The following C9orf72 variants were observed in gnomAD, a reference collection of about 807,000 sequenced individuals.
The protein encoded by C9orf72 is C9orf72-SMCR8 complex subunit.
Under a neutral mutation model 51.6 loss-of-function variants are expected in C9orf72, and 44 were observed. The ratio of observed to expected loss-of-function variants is 0.85; its 90% confidence interval spans 0.67 to 1.10. The LOEUF (loss-of-function observed/expected upper bound fraction) is 1.10. Among genes scored for constraint, C9orf72 ranks in the 50% least tolerant of loss-of-function variants. The probability of loss-of-function intolerance (pLI) is 0.00; values close to 1 mark genes in which losing one functional copy is unlikely to be tolerated. For synonymous variants in C9orf72, 213 were observed against 194.2 expected (o/e 1.10, Z -0.81); for missense variants, 607 against 570.6 (o/e 1.06, Z -0.65).
At chr9:27,551,257 C>T (rs1820902811) in intron 8 of C9orf72, among the ~76,000 whole-genome samples, 3 of 152,182 alleles carry the variant, frequency 2.0e-5, no homozygotes, top group Admixed American at 2.0e-4. Context: ...AACCAACTAT[C>T]CAAGAAAGTA....
rs904272770 is a variant in C9orf72 at position 27,566,582 on chromosome 9, A to C, written c.444+95T>G. The stretch of plus-strand genomic sequence containing the variant: ...AAATAACATTTATTGTTTGATGTTC[A>C]CTGCATATAATTAAAAAAATAAGAT... On this transcript the variant is annotated intron_variant, in intron 2 of 10. Coordinates refer to ENST00000380003, the MANE Select transcript of C9orf72 (RefSeq NM_018325.5). 17 of 801,214 alleles carry C rather than the reference A, an allele frequency of 2.1e-5. No individual in the cohort carries two copies. The African/African-American group carries it at 2.8e-4, about 13-fold the overall frequency. 49.6% of individuals were successfully genotyped at this position (801,214 alleles called of 1,614,324 possible). A position where few individuals can be genotyped will look rare whatever the true frequency, so the allele number is the denominator to read the frequency against.
rs1222735352 is a variant in C9orf72, at chr9:27,567,043, T to C, written c.78A>G (p.Leu26=). 4 of 1,613,934 alleles carry C rather than the reference T, an allele frequency of 2.5e-6. No individual in the cohort carries two copies. The highest frequency in any genetic ancestry group is 3.3e-5 in the Admixed American group (2 of 60,000). The stretch of plus-strand genomic sequence containing the variant: ...TGTCCCAGTAAGCAAAAGTAGCTGC[T>C]AATAAAGGTGATTTGCCACTTAAAG... ...EIALSGKSPL[L]AATFAYWDNI... The change falls in exon 2 of 11, where the codon TTA becomes TTG. Residue 26 remains leucine (L), a synonymous_variant. Coordinates refer to ENST00000380003, the MANE Select transcript of C9orf72 (RefSeq NM_018325.5).
chr9:27,569,175 G>C (rs1048414885), intron 1 of C9orf72, among the ~76,000 whole-genome samples: 1 of 152,106 alleles, frequency 6.6e-6, no homozygotes, highest in African/African-American at 2.4e-5. Context: ...CAATGTATTT[G>C]TGTTTCAAGC....
chr9:27,551,183 G>A (rs140055627), intron 8 of C9orf72, among the ~76,000 whole-genome samples: 84 of 152,222 alleles, frequency 5.5e-4, no homozygotes, highest in African/African-American at 2.0e-3. Flanking sequence ...TGAGATTAGA[G>A]AACACACTCC....
chr9:27,571,751 C>G (rs1322096798), intron 1 of C9orf72, among the ~76,000 whole-genome samples: 1 of 152,230 alleles, frequency 6.6e-6, no homozygotes, highest in African/African-American at 2.4e-5. Context: ...CTTCTCCAAC[C>G]TGGCTCTCAA....
chr9:27,552,346 G>A (rs1820924827), intron 8 of C9orf72, among the ~76,000 whole-genome samples: 1 of 84,974 alleles, frequency 1.2e-5, no homozygotes, highest in Non-Finnish European at 2.5e-5. Flanking sequence ...GTTTAGGATT[G>A]TTTGTGATTT....
chr9:27,556,055 T>A (rs700829), intron 8 of C9orf72, among the ~76,000 whole-genome samples: 130,192 of 150,690 alleles, frequency 0.86, 58,107 homozygotes, highest in Non-Finnish European at 0.99. Context: ...CTTTTTTTTT[T>A]AAAAAAAAAT....
intron 6 of C9orf72, chr9:27,558,831 A>T (rs1365028861): frequency 2.4e-6 from 1 of 409,882 alleles, no homozygotes; most frequent in Non-Finnish European, 4.4e-6. Flanking sequence ...ACTGTATGGC[A>T]TCTCAAAACC....
At chr9:27,551,944 G>A in intron 8 of C9orf72, among the ~76,000 whole-genome samples, 1 of 152,164 alleles carries the variant, frequency 6.6e-6, no homozygotes, top group East Asian at 1.9e-4. Flanking sequence ...CGGCTATTGT[G>A]AATGGGACTG....
chr9:27,558,379 T>C, intron 7 of C9orf72, 112 bp downstream of exon 7: 1 of 707,258 alleles, frequency 1.4e-6, no homozygotes, highest in Non-Finnish European at 2.5e-6. Context: ...AGTCAGTCTC[T>C]GGGCATGTCA....
chr9:27,568,099 A>AAG (rs1331819683), intron 1 of C9orf72, among the ~76,000 whole-genome samples: 1 of 151,196 alleles, frequency 6.6e-6, no homozygotes, highest in African/African-American at 2.4e-5. Context: ...AAAAAAAAAA[A>AAG]AAAAAAAAGA....
At chr9:27,562,676 CTTTT>C (rs34007035) in intron 3 of C9orf72, among the ~76,000 whole-genome samples, 200 bp from the exon 4 acceptor site, 1 of 144,790 alleles carries the variant, frequency 6.9e-6, no homozygotes, top group South Asian at 2.2e-4. Flanking sequence ...TCTTTCTTTT[CTTTT>C]TTTTTTTTTG....
rs1478371551 is a variant in C9orf72 at position 27,567,125 on chromosome 9, G to C, written c.-5C>G. On this transcript the variant is annotated 5_prime_UTR_variant, in exon 2 of 11. Transcript: ENST00000380003. ...CGGTGGGCAAAGAGTCGACATCACT[G>C]CATTCCAACTGTCACATTATCCAAA... 3 of 1,609,006 alleles carry C rather than the reference G, an allele frequency of 1.9e-6. No individual in the cohort carries two copies. The highest frequency in any genetic ancestry group is 2.5e-6 in the Non-Finnish European group (3 of 1,176,680).
Position 27,548,335 on chromosome 9 carries a change from CATT to C in C9orf72, c.1344_1346del (p.Ile448del). On this transcript the variant is annotated inframe_deletion, in exon 11 of 11. Transcript: ENST00000380003. Reference sequence around the variant, plus strand: ...CTGGTTTAATTTTCTCAGCCAGAGCCATTATTATGTTAAGATCGCCCTCTGCTG... The same window carrying C: ...CTGGTTTAATTTTCTCAGCCAGAGCCATTATGTTAAGATCGCCCTCTGCTG... The C allele has an allele frequency of 6.3e-7, 1 of 1,585,070 alleles. No individual in the cohort carries two copies.
intron 1 of C9orf72, among the ~76,000 whole-genome samples, chr9:27,567,883 G>A (rs1476370068): frequency 1.3e-5 from 2 of 152,098 alleles, no homozygotes; most frequent in Non-Finnish European, 2.9e-5. Context: ...ACCACCAGAA[G>A]CCAGGAAGAG....
In C9orf72 at chr9:27,546,977, T is replaced by C. The variant is rs536808404; in HGVS notation, c.*1259A>G. On this transcript the variant is annotated 3_prime_UTR_variant, in exon 11 of 11. Coordinates refer to ENST00000380003, the MANE Select transcript of C9orf72 (RefSeq NM_018325.5). ...AAATATATTTTCCCTTTTATATTAC[T>C]TCCAGAATTTTAAATAAAATATTTA... The C allele has an allele frequency of 1.3e-5, 2 of 152,540 alleles. No homozygotes were observed. The highest frequency in any genetic ancestry group is 3.9e-4 in the East Asian group (2 of 5,192). 9.4% of individuals were successfully genotyped at this position (152,540 alleles called of 1,614,324 possible).
Position 27,556,833 on chromosome 9 carries a change from C to A in C9orf72, c.856-37G>T, listed in dbSNP as rs62538126. 0.019 allele frequency: 24,585 copies of A among 1,290,390 alleles called. 337 individuals are homozygous for A. Among genetic ancestry groups the A allele is most frequent in the Non-Finnish European group, 0.022 (19,326 of 889,166 alleles). The allele number at this position is 1,290,390 out of a possible 1,614,324, so 79.9% of individuals were successfully genotyped here. ...AAAGGAAAATTTACTGTCTTACATG[C>A]CAAACGATATGAATAATTGTTTTTT... On this transcript the variant is annotated intron_variant, in intron 7 of 10. Transcript: ENST00000380003.
intron 9 of C9orf72, among the ~76,000 whole-genome samples, chr9:27,550,133 CAT>C (rs559127338): frequency 6.7e-6 from 1 of 149,460 alleles, no homozygotes; most frequent in African/African-American, 2.5e-5. Flanking sequence ...AATATATAAA[CAT>C]ATATATATCC....
At chr9:27,573,584 C>G (rs1210828793), upstream of C9orf72, 1 of 140,178 alleles carries the variant, frequency 7.1e-6, no homozygotes, top group Non-Finnish European at 1.6e-5. Flanking sequence ...TTGCTACAGG[C>G]TGCGGTTGTT....
Sources: allele counts gnomAD v4.1 joint callset (sites outside exome capture counted in the v4.1 genomes callset), GRCh38; gene constraint gnomAD v4.1.1; transcripts MANE v1.5; gene names NCBI Gene and HGNC (gene_info 2026-07-23, HGNC 2026-07-21).